The following CFAP54 variants were observed in gnomAD, a reference collection of about 807,000 sequenced individuals.
The protein encoded by CFAP54 is cilia- and flagella-associated protein 54.
CFAP54 carries 290 observed loss-of-function variants against 370.4 expected under a neutral mutation model. The ratio of observed to expected loss-of-function variants is 0.78; its 90% CI spans 0.71 to 0.86. CFAP54 has a LOEUF of 0.86. Among genes scored for constraint, CFAP54 ranks in the 40% least tolerant of loss-of-function variants. The pLI is 0.00. For missense variants in CFAP54, 3,399 were observed against 3,528.7 expected (o/e 0.96, Z 0.93); for synonymous variants, 1,206 against 1,236.5 (o/e 0.98, Z 0.52).
intron 1 of CFAP54, among the ~76,000 whole-genome samples, chr12:96,494,151 G>C (rs946563931): frequency 9.2e-5 from 14 of 152,284 alleles, no homozygotes; most frequent in Non-Finnish European, 1.8e-4. Flanking sequence ...CGGAGGAATG[G>C]ACAGAATCCC....
chr12:96,865,900 C>T (rs1391613396), intron 67 of CFAP54, among the ~76,000 whole-genome samples: 1 of 151,978 alleles, frequency 6.6e-6, no homozygotes, highest in Admixed American at 6.6e-5. Flanking sequence ...TTTTAGAAAA[C>T]TCAATCTATG....
At chr12:96,615,367 T>C (rs1956403924) in intron 26 of CFAP54, among the ~76,000 whole-genome samples, 1 of 152,178 alleles carries the variant, frequency 6.6e-6, no homozygotes, top group Non-Finnish European at 1.5e-5. Flanking sequence ...TAATTCAAGA[T>C]GGATTAAAGA....
At chr12:96,771,894 G>A (rs1424863886) in intron 60 of CFAP54, among the ~76,000 whole-genome samples, 1 of 152,130 alleles carries the variant, frequency 6.6e-6, no homozygotes, top group Non-Finnish European at 1.5e-5. Flanking sequence ...GATGGTTATA[G>A]TACAAATTGT....
intron 33 of CFAP54, among the ~76,000 whole-genome samples, chr12:96,647,472 C>CAAAAAAAAAAAAAAAAAAAAAAAAAAAA (rs57089692): frequency 4.9e-5 from 2 of 40,756 alleles, no homozygotes; most frequent in Non-Finnish European, 8.3e-5. Context: ...GACTCTGTCC[C>CAAAAAAAAAAAAAAAAAAAAAAAAAAAA]AAAAAAAAAA....
rs781134859 is a variant in CFAP54, at chr12:96,693,712, C to T, written c.6265-10C>T. 2.0e-6 allele frequency: 3 copies of T among 1,522,124 alleles called. No homozygotes were observed. The highest frequency in any genetic ancestry group is 2.7e-6 in the Non-Finnish European group (3 of 1,113,024). The allele number at this position is 1,522,124 out of a possible 1,614,324, so 94.3% of individuals were successfully genotyped here. A position where few individuals can be genotyped will look rare whatever the true frequency, so the allele number is the denominator to read the frequency against. On this transcript the variant is annotated splice_polypyrimidine_tract_variant and intron_variant, in intron 44 of 67. Transcript: ENST00000524981. ...ATATTTTGAAACAAAGAGTGTTTTT[C>T]TCCTGATAGGTTCTGCCTCTCCTTG...
At chr12:96,835,086 G>T (rs1200856123) in intron 66 of CFAP54, among the ~76,000 whole-genome samples, 1 of 152,020 alleles carries the variant, frequency 6.6e-6, no homozygotes, top group Non-Finnish European at 1.5e-5. Context: ...GCTCCTCTCT[G>T]TAGGCAGGTT....
In CFAP54 at chr12:96,554,302, T is replaced by G; in HGVS notation, c.2275T>G (p.Tyr759Asp). 1 of 1,514,104 alleles carries G rather than the reference T, an allele frequency of 6.6e-7. No individual in the cohort carries two copies. Among genetic ancestry groups the G allele is most frequent in the Non-Finnish European group, 8.8e-7 (1 of 1,139,680 alleles). The allele number at this position is 1,514,104 out of a possible 1,614,324, so 93.8% of individuals were successfully genotyped here. Reference sequence around the variant, plus strand: ...TGGATCATCAGTAATTGACCACTGCTATGCCAAGGTAAGAATGGAAGAGTC... The same window carrying G: ...TGGATCATCAGTAATTGACCACTGCGATGCCAAGGTAAGAATGGAAGAGTC... ...PNGSSVIDHC[Y>D]AKRTHHIDGD... Residue 759 changes from tyrosine (Y) to aspartate (D), a missense_variant, in exon 16 of 68, where the codon TAT becomes GAT. Physicochemically the swap from Tyr to Asp is radical, Grantham distance 160 (BLOSUM62 -3). Around this residue, in one of 3 missense-constraint regions of CFAP54, gnomAD observed 2,796 missense variants for 2,869.7 expected, o/e 0.97. Coordinates refer to ENST00000524981, the MANE Select transcript of CFAP54 (RefSeq NM_001306084.2).
intron 67 of CFAP54, among the ~76,000 whole-genome samples, chr12:96,861,610 T>A (rs1043617242): frequency 7.2e-5 from 11 of 152,200 alleles, no homozygotes; most frequent in Admixed American, 7.2e-4. Context: ...TAGACCTGGG[T>A]TTAAATAGTA....
At chr12:96,648,580 CTTTTTTTTTTT>C (rs11303164) in intron 34 of CFAP54, among the ~76,000 whole-genome samples, 6 of 58,666 alleles carry the variant, frequency 1.0e-4, no homozygotes, top group Non-Finnish European at 1.5e-4. Flanking sequence ...AAACAGGGTT[CTTTTTTTTTTT>C]TTTTTTTTTT....
chr12:96,651,520 G>C, intron 35 of CFAP54, 68 bp from the exon 36 acceptor site: 1 of 1,259,704 alleles, frequency 7.9e-7, no homozygotes, highest in Non-Finnish European at 1.1e-6. Flanking sequence ...TTTGGAAAAA[G>C]ATGAAGTTGT....
chr12:96,657,486 A>G (rs1451162742), intron 36 of CFAP54, among the ~76,000 whole-genome samples: 3 of 152,236 alleles, frequency 2.0e-5, no homozygotes, highest in South Asian at 2.1e-4. Context: ...TAGTGACTGT[A>G]TACCAAGAAC....
intron 26 of CFAP54, among the ~76,000 whole-genome samples, chr12:96,611,412 T>G (rs886637769): frequency 2.6e-5 from 4 of 152,028 alleles, no homozygotes; most frequent in African/African-American, 9.7e-5. Context: ...AAGACCAAAG[T>G]TACATAAAAC....
chr12:96,869,121 CTAAT>C (rs1252282647), intron 67 of CFAP54, among the ~76,000 whole-genome samples: 1 of 152,088 alleles, frequency 6.6e-6, no homozygotes, highest in African/African-American at 2.4e-5. Flanking sequence ...CCATTTCTGA[CTAAT>C]TAGTTTAAAA....
At chr12:96,823,096 C>T (rs1340676921) in intron 65 of CFAP54, among the ~76,000 whole-genome samples, 2 of 150,484 alleles carry the variant, frequency 1.3e-5, no homozygotes, top group African/African-American at 4.9e-5. Flanking sequence ...TTTAAAGTCT[C>T]ATTTACATAG....
intron 46 of CFAP54, among the ~76,000 whole-genome samples, chr12:96,700,441 T>C (rs1957480021): frequency 6.6e-6 from 1 of 152,216 alleles, no homozygotes; most frequent in African/African-American, 2.4e-5. Context: ...CTGGTTAAGA[T>C]TTTAAATCAA....
At chr12:96,785,648 A>G (rs1446080532) in intron 61 of CFAP54, among the ~76,000 whole-genome samples, 1 of 152,130 alleles carries the variant, frequency 6.6e-6, no homozygotes, top group Non-Finnish European at 1.5e-5. Flanking sequence ...GGGAAAGGAC[A>G]TGGACAAGAG....
At chr12:96,859,404 T>C (rs1959807253) in intron 66 of CFAP54, among the ~76,000 whole-genome samples, 1 of 151,874 alleles carries the variant, frequency 6.6e-6, no homozygotes. Context: ...TTTGTTTGTT[T>C]GTTTGTTTTG....
intron 39 of CFAP54, among the ~76,000 whole-genome samples, chr12:96,666,594 A>G (rs943804301): frequency 6.6e-6 from 1 of 152,206 alleles, no homozygotes; most frequent in Non-Finnish European, 1.5e-5. Context: ...CCCTTTATAA[A>G]CCATCAGATA....
At chr12:96,664,731 A>C (rs375464184) in intron 39 of CFAP54, among the ~76,000 whole-genome samples, 6,302 of 23,028 alleles carry the variant, frequency 0.27, 601 homozygotes, top group East Asian at 0.32. Context: ...ATATCTATAT[A>C]TATATATCTA....
Sources: allele counts gnomAD v4.1 joint callset (sites outside exome capture counted in the v4.1 genomes callset), GRCh38; gene constraint gnomAD v4.1.1; regional missense constraint gnomAD v4.1.1; transcripts MANE v1.5; gene names NCBI Gene and HGNC (gene_info 2026-07-23, HGNC 2026-07-21).